Variants in COPB1 observed in about 807,000 individuals in gnomAD.
The protein encoded by COPB1 is coat protein complex I subunit beta 1, also known as coatomer subunit beta.
COPB1 carries 21 observed loss-of-function variants against 108.7 expected under a neutral mutation model. That is an observed-to-expected ratio of 0.19 (90% confidence interval 0.14 to 0.28). The LOEUF is 0.28. COPB1 is among the 10% of genes least tolerant of loss of function. The pLI, the probability that COPB1 is intolerant of heterozygous loss-of-function variation, is 1.00. For missense variants in COPB1, 919 were observed against 1,141.3 expected, an observed-to-expected ratio of 0.81 and a Z score of 2.81; for synonymous variants, 378 against 386.8, an observed-to-expected ratio of 0.98 and a Z score of 0.27.
chr11:14,490,575 T>G lies in COPB1; in HGVS notation c.596A>C (p.His199Pro). The change falls in exon 5 of 22, where the codon CAT becomes CCT. Residue 199 changes from histidine (H) to proline (P), a missense_variant. Coordinates refer to ENST00000439561, the MANE Select transcript of COPB1 (RefSeq NM_001144061.2). ...TAAAAAGTACCTCACCTGATCTGCATGAATTAGCATCATAAATGCATTCCT... is the reference window on the plus strand; with the variant it reads ...TAAAAAGTACCTCACCTGATCTGCAGGAATTAGCATCATAAATGCATTCCT... Reference protein sequence around the residue: ...CKRNAFMMLIHADQDRALDYL... With the variant: ...CKRNAFMMLIPADQDRALDYL... 6.2e-7 allele frequency: 1 copy of G among 1,602,074 alleles called. No homozygotes were observed.
rs376795568 is a variant in COPB1, at chr11:14,496,306, G to A, written c.92-1867C>T. On this transcript the variant is annotated intron_variant, in intron 2 of 21. Coordinates refer to ENST00000439561, the MANE Select transcript of COPB1 (RefSeq NM_001144061.2). ...AGAATCACTCACAAAAAGGAGACAC[G>A]GTATACATTTTTAAAATTCAGAAAT... 6.6e-5 allele frequency among the ~76,000 whole-genome samples: 10 copies of A among 151,392 alleles called. No homozygotes were observed. The East Asian group carries it at 9.7e-4, about 15-fold the overall frequency.
chr11:14,474,870 C>T (rs559237658), intron 13 of COPB1, among the ~76,000 whole-genome samples: 5 of 151,838 alleles, frequency 3.3e-5, no homozygotes, highest in African/African-American at 7.3e-5. Context: ...CCAAGGCGGG[C>T]GGATTACCTG....
Position 14,494,363 on chromosome 11 carries a change from A to G in COPB1, c.168T>C (p.Pro56=). The change falls in exon 3 of 22, where the codon CCT becomes CCC. Residue 56 remains proline, a synonymous_variant. Coordinates refer to ENST00000439561, the MANE Select transcript of COPB1 (RefSeq NM_001144061.2). Reference sequence around the variant, plus strand: ...AACGAATGATGGTCATCAGAAGTCCAGGAAGTTTTTCACCATTCAGAATCA... The same window carrying G: ...AACGAATGATGGTCATCAGAAGTCCGGGAAGTTTTTCACCATTCAGAATCA... The part of the protein sequence containing the change: ...IIMILNGEKL[P]GLLMTIIRFV... 6.2e-7 allele frequency: 1 copy of G among 1,613,686 alleles called. No individual in the cohort carries two copies. Among genetic ancestry groups the G allele is most frequent in the Non-Finnish European group, 8.5e-7 (1 of 1,179,698 alleles).
chr11:14,472,214 T>G (rs1850422971), intron 14 of COPB1, among the ~76,000 whole-genome samples: 1 of 152,218 alleles, frequency 6.6e-6, no homozygotes, highest in Non-Finnish European at 1.5e-5. Flanking sequence ...TAATGGATGT[T>G]GTCTTAGCAG....
intron 14 of COPB1, among the ~76,000 whole-genome samples, chr11:14,473,393 C>T (rs1333008651): frequency 6.6e-6 from 1 of 152,174 alleles, no homozygotes; most frequent in Non-Finnish European, 1.5e-5. Flanking sequence ...TGGCTTAGCT[C>T]AGCTTTTGAC....
rs187551628 is a variant in COPB1 at position 14,491,245 on chromosome 11, G to A, written c.492-566C>T. 4.3e-4 allele frequency among the ~76,000 whole-genome samples: 65 copies of A among 151,810 alleles called. 1 individual carries two copies. In the East Asian group the frequency reaches 8.0e-3, roughly 19 times the overall value. On this transcript the variant is annotated intron_variant, in intron 4 of 21. Coordinates refer to ENST00000439561, the MANE Select transcript of COPB1 (RefSeq NM_001144061.2). ...ATTTTTTTAGTAGAGACAGCATTTT[G>A]CCACGTTGGCCAGGCTTGTCTCATA... is the stretch of plus-strand genomic sequence containing the variant.
Position 14,469,351 on chromosome 11 carries a change from CTCT to C in COPB1, c.1947_1949del (p.Glu650del), listed in dbSNP as rs775287362. ...TATACCTTACCTTTTGGGATAATTT[CTCT>C]TCTTCTAGTTTAGCAGATAACATGT... On this transcript the variant is annotated inframe_deletion, in exon 15 of 22. Transcript: ENST00000439561. 3.7e-6 allele frequency: 6 copies of C among 1,613,700 alleles called. No individual in the cohort carries two copies. The highest frequency in any genetic ancestry group is 2.7e-5 in the African/African-American group (2 of 74,912).
At chr11:14,461,377 T>G in intron 18 of COPB1, 46 bp from the exon 19 acceptor site, 1 of 1,594,406 alleles carries the variant, frequency 6.3e-7, no homozygotes, top group Non-Finnish European at 8.5e-7. Flanking sequence ...GGGGCAAACT[T>G]GAATTTAAAA....
intron 4 of COPB1, 47 bp downstream of exon 4, chr11:14,493,595 A>G (rs572704136): frequency 6.7e-7 from 1 of 1,501,478 alleles, no homozygotes; most frequent in Middle Eastern, 1.8e-4. Flanking sequence ...AGTCTAAAAG[A>G]CTAAACAGTA....
At chr11:14,483,240 A>C in intron 7 of COPB1, 89 bp from the exon 8 acceptor site, 1 of 656,024 alleles carries the variant, frequency 1.5e-6, no homozygotes. Flanking sequence ...ACACACACAC[A>C]CACACACACA....
At chr11:14,470,944 A>T (rs369365581) in intron 14 of COPB1, among the ~76,000 whole-genome samples, 3,055 of 89,910 alleles carry the variant, frequency 0.034, 48 homozygotes, top group South Asian at 0.083. Context: ...ACACACACAC[A>T]CTCTCTCTCT....
chr11:14,485,076 C>A (rs1008118567), intron 7 of COPB1, among the ~76,000 whole-genome samples: 1 of 152,186 alleles, frequency 6.6e-6, no homozygotes, highest in Admixed American at 6.5e-5. Context: ...TGATAGCTAA[C>A]TGCAGTCTTG....
chr11:14,474,460 T>C lies in COPB1; in HGVS notation c.1737+35A>G, dbSNP rs765492249. ...ATGCATATAGTAGGCACTCAATGTT[T>C]AATTGTTGGTTAAATGTAAAATAAA... On this transcript the variant is annotated intron_variant, in intron 14 of 21. Transcript: ENST00000439561. The C allele has an allele frequency of 7.5e-6, 12 of 1,601,354 alleles. No individual in the cohort carries two copies. In the South Asian group the frequency reaches 1.3e-4, roughly 18 times the overall value.
chr11:14,476,798 T>C (rs1850530020), intron 12 of COPB1, 121 bp downstream of exon 12: 1 of 628,830 alleles, frequency 1.6e-6, no homozygotes. Flanking sequence ...ACACAGAACA[T>C]TTTGTTCAAA....
At position 14,494,432 on chromosome 11, in the gene COPB1, T is replaced by C; in HGVS notation, c.99A>G (p.Gly33=). Residue 33 remains glycine (G), a synonymous_variant, in exon 3 of 22, where the codon GGA becomes GGG. Transcript: ENST00000439561. ...EISLKNDLEK[G]DVKSKTEALK... is the part of the protein sequence containing the mutation. ...AAGCTTCAGTCTTTGACTTTACATCTCCTTTTTCTGAATCAAAAATTTTTT... is the reference window on the plus strand; with the variant it reads ...AAGCTTCAGTCTTTGACTTTACATCCCCTTTTTCTGAATCAAAAATTTTTT... 1.3e-6 allele frequency: 2 copies of C among 1,524,320 alleles called. No homozygotes were observed. The highest frequency in any genetic ancestry group is 8.9e-7 in the Non-Finnish European group (1 of 1,125,946). 94.4% of individuals were successfully genotyped at this position (1,524,320 alleles called of 1,614,324 possible). A position where few individuals can be genotyped will look rare whatever the true frequency, so the allele number is the denominator to read the frequency against.
At chr11:14,499,051 T>C (rs916954329) in intron 1 of COPB1, 66 bp from the exon 2 acceptor site, 145 of 741,188 alleles carry the variant, frequency 2.0e-4, no homozygotes, top group Middle Eastern at 7.6e-4. Flanking sequence ...CAAGTACCTA[T>C]AGTGACCTTT....
chr11:14,462,822 C>A (rs1315894387), intron 18 of COPB1, among the ~76,000 whole-genome samples: 2 of 152,128 alleles, frequency 1.3e-5, no homozygotes, highest in Non-Finnish European at 2.9e-5. Context: ...ACTTTCTTCC[C>A]TTATGGTCTA....
chr11:14,475,673 A>C, intron 13 of COPB1, 112 bp downstream of exon 13: 1 of 1,147,184 alleles, frequency 8.7e-7, no homozygotes, highest in South Asian at 2.7e-5. Flanking sequence ...TAAATGGCAA[A>C]GATTTTCATT....
intron 7 of COPB1, among the ~76,000 whole-genome samples, chr11:14,484,623 C>T (rs542690039): frequency 6.6e-6 from 1 of 152,130 alleles, no homozygotes; most frequent in Admixed American, 6.6e-5. Context: ...GAGGCTGAGG[C>T]AGGAGAATCA....
Sources: gnomAD v4.1 joint callset for allele counts (sites outside exome capture counted in the v4.1 genomes callset) on GRCh38, gnomAD v4.1.1 for gene constraint, MANE v1.5 for transcripts, NCBI Gene and HGNC (gene_info 2026-07-23, HGNC 2026-07-21) for gene names.